The following LRRN2 variants were observed in gnomAD, a reference collection of about 807,000 sequenced individuals.
The protein encoded by LRRN2 is leucine-rich repeat neuronal protein 2.
A neutral mutation model predicts 35.7 loss-of-function variants in LRRN2; 10 were observed. That is an observed-to-expected ratio of 0.28 (90% CI 0.17 to 0.47). LRRN2 has a LOEUF of 0.47. Among genes scored for constraint, LRRN2 ranks in the 20% least tolerant of loss-of-function variants. The probability of loss-of-function intolerance (pLI) is 0.99; values close to 1 mark genes in which losing one functional copy is unlikely to be tolerated. For missense variants in LRRN2, 731 were observed against 940.3 expected (o/e 0.78, Z 2.91); for synonymous variants, 391 against 409.6 (o/e 0.95, Z 0.55).
intron 1 of LRRN2, among the ~76,000 whole-genome samples, chr1:204,647,149 GGA>G (rs1002516472): frequency 1.8e-5 from 1 of 55,004 alleles, no homozygotes; most frequent in Non-Finnish European, 3.8e-5. Context: ...AAGGAAGCAA[GGA>G]GGTTAAAAAA....
chr1:204,676,038 C>T (rs1219350303), intron 1 of LRRN2, among the ~76,000 whole-genome samples: 1 of 152,152 alleles, frequency 6.6e-6, no homozygotes, highest in Non-Finnish European at 1.5e-5. Flanking sequence ...GGGGAATGGC[C>T]CTGTCTCAGC....
In LRRN2 at chr1:204,620,137, T is replaced by C. The variant is rs1666770288; in HGVS notation, c.-145A>G. On this transcript the variant is annotated 5_prime_UTR_variant, in exon 2 of 2. Coordinates refer to ENST00000367177, the MANE Select transcript of LRRN2 (RefSeq NM_201630.2). ...TCATTCTACACCGGGCGTCACTTCT[T>C]GCCCTCCTCAATATGCCTTCTCTTC... The C allele has an allele frequency of 1.4e-6, 2 of 1,460,512 alleles. No homozygotes were observed. Among genetic ancestry groups the C allele is most frequent in the Non-Finnish European group, 1.8e-6 (2 of 1,105,012 alleles). 90.5% of individuals were successfully genotyped at this position (1,460,512 alleles called of 1,614,324 possible). A position where few individuals can be genotyped will look rare whatever the true frequency, so the allele number is the denominator to read the frequency against.
At position 204,618,931 on chromosome 1, in the gene LRRN2, C is replaced by T. The variant is rs114396348; in HGVS notation, c.1062G>A (p.Thr354=). 740 of 1,614,080 alleles carry T rather than the reference C, an allele frequency of 4.6e-4. No individual in the cohort carries two copies. The highest frequency in any genetic ancestry group is 5.9e-4 in the Non-Finnish European group (692 of 1,179,990). ...NNALSALHQQ[T]VESLPNLQEV... ...CCTGCAGGTTGGGCAGGGACTCCAC[C>T]GTCTGCTGGTGCAAGGCACTGAGAG... Residue 354 remains threonine, a synonymous_variant, in exon 2 of 2, where the codon ACG becomes ACA. Transcript: ENST00000367177.
At chr1:204,647,045 G>A (rs1668120889) in intron 1 of LRRN2, among the ~76,000 whole-genome samples, 3 of 152,082 alleles carry the variant, frequency 2.0e-5, no homozygotes, top group Admixed American at 6.5e-5. Context: ...GAGCCTCCAC[G>A]AGTGTGGCTG....
chr1:204,666,044 A>G (rs1668568899), intron 1 of LRRN2, among the ~76,000 whole-genome samples: 1 of 152,246 alleles, frequency 6.6e-6, no homozygotes, highest in Admixed American at 6.5e-5. Context: ...GTTGCTTTGC[A>G]TTTTGATAAA....
chr1:204,643,931 C>CT (rs1004520563), intron 1 of LRRN2, among the ~76,000 whole-genome samples: 24 of 152,168 alleles, frequency 1.6e-4, no homozygotes, highest in African/African-American at 5.6e-4. Flanking sequence ...CTGAACCTCT[C>CT]TGAGTGTCAA....
At chr1:204,634,981 A>C (rs1667797727) in intron 1 of LRRN2, among the ~76,000 whole-genome samples, 1 of 152,190 alleles carries the variant, frequency 6.6e-6, no homozygotes, top group Non-Finnish European at 1.5e-5. Context: ...ATGCATGGTG[A>C]GCTGAGAAGT....
At chr1:204,670,957 C>T (rs1043563559) in intron 1 of LRRN2, among the ~76,000 whole-genome samples, 7 of 152,108 alleles carry the variant, frequency 4.6e-5, no homozygotes, top group Non-Finnish European at 1.0e-4. Context: ...TGGAGTCGGG[C>T]TTCAGGAAGG....
chr1:204,640,726 C>T (rs1329670763), intron 1 of LRRN2, among the ~76,000 whole-genome samples: 1 of 152,148 alleles, frequency 6.6e-6, no homozygotes, highest in Non-Finnish European at 1.5e-5. Flanking sequence ...TCTCTACTCC[C>T]TTGTCCCACT....
At chr1:204,626,798 A>T (rs1667408449) in intron 1 of LRRN2, 1 of 152,166 alleles carries the variant, frequency 6.6e-6, no homozygotes, top group East Asian at 1.9e-4. Context: ...AAAACAATTT[A>T]ACGTGGGTCA....
chr1:204,630,617 G>GGTTTGTC lies in LRRN2; in HGVS notation c.-226-10406_-226-10400dup, dbSNP rs556064695. 4.8e-3 allele frequency among the ~76,000 whole-genome samples: 726 copies of GGTTTGTC among 152,010 alleles called. 2 individuals are homozygous for GGTTTGTC. Among genetic ancestry groups the GGTTTGTC allele is most frequent in the African/African-American group, 0.016 (677 of 41,432 alleles). ...GATAAATGGCTGCAGCTGAGGCCCG[G>GGTTTGTC]GTTTGTCTTTCCTCCCCACTAACCG... On this transcript the variant is annotated intron_variant, in intron 1 of 1. Transcript: ENST00000367177.
Position 204,619,743 on chromosome 1 carries a change from C to G in LRRN2, c.250G>C (p.Val84Leu), listed in dbSNP as rs752872296. 1.9e-5 allele frequency: 31 copies of G among 1,614,120 alleles called. No individual in the cohort carries two copies. Among genetic ancestry groups the G allele is most frequent in the Non-Finnish European group, 2.6e-5 (31 of 1,180,032 alleles). The stretch of plus-strand genomic sequence containing the variant: ...AGGTAGCCCAGCTCACTCTGGTCCA[C>G]ACGGACAATGCTGTTGCTCTGCAGG... ...LLLQSNSIVR[V>L]DQSELGYLAN... Residue 84 changes from valine to leucine, a missense_variant, in exon 2 of 2, where the codon GTG becomes CTG. Coordinates refer to ENST00000367177, the MANE Select transcript of LRRN2 (RefSeq NM_201630.2).
chr1:204,680,136 G>GTT (rs971916441), intron 1 of LRRN2, among the ~76,000 whole-genome samples: 4 of 152,222 alleles, frequency 2.6e-5, no homozygotes, highest in African/African-American at 7.2e-5. Context: ...CCTTGAGCAA[G>GTT]TCTGAGTCTG....
chr1:204,666,430 CGTTT>C (rs1373016885), intron 1 of LRRN2, among the ~76,000 whole-genome samples: 1 of 152,200 alleles, frequency 6.6e-6, no homozygotes, highest in African/African-American at 2.4e-5. Context: ...GTACAATAAA[CGTTT>C]GTTAGGTGCT....
intron 1 of LRRN2, among the ~76,000 whole-genome samples, chr1:204,630,682 G>A (rs1029127609): frequency 6.6e-6 from 1 of 151,930 alleles, no homozygotes; most frequent in Non-Finnish European, 1.5e-5. Context: ...CTCCTCCAAT[G>A]CCCTGGCCAT....
chr1:204,678,454 T>A (rs929366932), intron 1 of LRRN2, among the ~76,000 whole-genome samples: 4 of 152,040 alleles, frequency 2.6e-5, no homozygotes, highest in Admixed American at 6.5e-5. Context: ...ACCAGTGGTG[T>A]TAAAAAGTCA....
intron 1 of LRRN2, among the ~76,000 whole-genome samples, chr1:204,630,425 C>T (rs914186160): frequency 1.8e-4 from 28 of 151,766 alleles, no homozygotes; most frequent in African/African-American, 3.4e-4. Context: ...CCCCTTCTAA[C>T]GGAAAAGGAA....
At chr1:204,681,851 C>A (rs1356482839) in intron 1 of LRRN2, among the ~76,000 whole-genome samples, 1 of 152,184 alleles carries the variant, frequency 6.6e-6, no homozygotes, top group East Asian at 1.9e-4. Flanking sequence ...TTGCATATCT[C>A]TTGTCTTCGG....
chr1:204,667,378 A>T (rs1440467243), intron 1 of LRRN2, among the ~76,000 whole-genome samples: 1 of 152,220 alleles, frequency 6.6e-6, no homozygotes, highest in Non-Finnish European at 1.5e-5. Flanking sequence ...TTTTTTTAAA[A>T]GGTTAAAAAA....
Sources: allele counts gnomAD v4.1 joint callset (sites outside exome capture counted in the v4.1 genomes callset), GRCh38; gene constraint gnomAD v4.1.1; transcripts MANE v1.5; gene names NCBI Gene and HGNC (gene_info 2026-07-23, HGNC 2026-07-21).